The following BFSP1 variants were observed in gnomAD, a reference collection of about 807,000 sequenced individuals.
The protein encoded by BFSP1 is beaded filament structural protein 1.
In BFSP1, 38 loss-of-function variants were observed where a neutral mutation model predicts 43.9. The observed-to-expected ratio is 0.87, with a 90% CI of 0.67 to 1.14. The LOEUF is 1.14. Among genes scored for constraint, BFSP1 ranks in the 50% most tolerant of loss-of-function variants. The pLI is 0.00. For missense variants in BFSP1, 850 were observed against 875.1 expected (o/e 0.97, Z 0.36); for synonymous variants, 352 against 354.8 (o/e 0.99, Z 0.09).
At chr20:17,511,736 A>G (rs1179753550) in intron 4 of BFSP1, among the ~76,000 whole-genome samples, 1 of 142,902 alleles carries the variant, frequency 7.0e-6, no homozygotes, top group Non-Finnish European at 1.5e-5. Context: ...ATAATTCTCA[A>G]GAGAAAATAC....
intron 2 of BFSP1, among the ~76,000 whole-genome samples, chr20:17,520,220 C>CCCCCCCCCCCCCT (rs2034293018): frequency 1.3e-5 from 2 of 148,568 alleles, no homozygotes; most frequent in African/African-American, 2.5e-5. Flanking sequence ...GCCCCCCCAC[C>CCCCCCCCCCCCCT]CCGCCCACCT....
upstream of BFSP1, among the ~76,000 whole-genome samples, chr20:17,532,023 C>T (rs1356472112): frequency 6.6e-6 from 1 of 152,136 alleles, no homozygotes; most frequent in Non-Finnish European, 1.5e-5. Flanking sequence ...TAAAAGCCTA[C>T]AATAACTTAG....
At chr20:17,499,737 C>A (rs747374162) in intron 5 of BFSP1, among the ~76,000 whole-genome samples, 20 of 152,118 alleles carry the variant, frequency 1.3e-4, no homozygotes, top group Non-Finnish European at 8.8e-5. Context: ...GCCTGGCCAA[C>A]ATAGTGAAAC....
At chr20:17,566,860 G>A (rs2035125793) in intron 1 of BFSP1, among the ~76,000 whole-genome samples, 1 of 152,004 alleles carries the variant, frequency 6.6e-6, no homozygotes, top group South Asian at 2.1e-4. Flanking sequence ...CACCATCTTG[G>A]CCAGCCTGGT....
At chr20:17,540,249 G>A (rs2034694591) in intron 1 of BFSP1, among the ~76,000 whole-genome samples, 1 of 152,042 alleles carries the variant, frequency 6.6e-6, no homozygotes, top group South Asian at 2.1e-4. Flanking sequence ...CCACCTGCCT[G>A]CTCATGATCA....
rs149925393 is a variant in BFSP1 at position 17,558,223 on chromosome 20, T to C, written c.2+465A>G. On this transcript the variant is annotated intron_variant, in intron 1 of 7. Transcript: ENST00000377868. ...TCATTAATTTTTATGATGCGTAAAA[T>C]TTTTTCATTACATTAGCCAAAAAGA... 6.9e-4 allele frequency among the ~76,000 whole-genome samples: 105 copies of C among 151,888 alleles called. 1 individual carries two copies. The East Asian group carries it at 0.015, about 22-fold the overall frequency.
chr20:17,554,703 G>A (rs1035498628), intron 1 of BFSP1, among the ~76,000 whole-genome samples: 2 of 152,138 alleles, frequency 1.3e-5, no homozygotes, highest in African/African-American at 2.4e-5. Context: ...GATAAGGATC[G>A]CCACCAGTCA....
chr20:17,532,353 C>G (rs975852718), upstream of BFSP1, among the ~76,000 whole-genome samples: 1 of 147,088 alleles, frequency 6.8e-6, no homozygotes, highest in Non-Finnish European at 1.5e-5. Flanking sequence ...TGCAGTGAGC[C>G]GAGATCGCCC....
intron 1 of BFSP1, among the ~76,000 whole-genome samples, chr20:17,539,702 G>A (rs1311127542): frequency 3.3e-5 from 5 of 151,972 alleles, no homozygotes; most frequent in Admixed American, 6.6e-5. Context: ...GCAGGTCAAG[G>A]CTGCAGTGAG....
chr20:17,539,388 A>T (rs1342608961), intron 1 of BFSP1, among the ~76,000 whole-genome samples: 2 of 151,940 alleles, frequency 1.3e-5, no homozygotes, highest in Non-Finnish European at 2.9e-5. Context: ...TTGGGATTAC[A>T]CGTGTGAGCC....
At chr20:17,536,588 A>T (rs967783588) in intron 1 of BFSP1, among the ~76,000 whole-genome samples, 13 of 152,258 alleles carry the variant, frequency 8.5e-5, no homozygotes, top group African/African-American at 2.7e-4. Context: ...AAATTTTTTA[A>T]TTAACATTTT....
At chr20:17,545,864 G>T (rs149442277) in intron 1 of BFSP1, among the ~76,000 whole-genome samples, 2 of 152,330 alleles carry the variant, frequency 1.3e-5, no homozygotes, top group African/African-American at 4.8e-5. Flanking sequence ...GCACAGCTTA[G>T]TTTAGTCTTT....
At chr20:17,526,608 G>A (rs1048613482) in intron 1 of BFSP1, among the ~76,000 whole-genome samples, 2 of 152,284 alleles carry the variant, frequency 1.3e-5, no homozygotes, top group Admixed American at 1.3e-4. Flanking sequence ...TAGCTATTGT[G>A]AACAGTGCTG....
intron 1 of BFSP1, among the ~76,000 whole-genome samples, chr20:17,564,934 CT>C (rs59967108): frequency 0.012 from 1,724 of 142,532 alleles, 24 homozygotes; most frequent in African/African-American, 0.036. Flanking sequence ...ACCCATGTAA[CT>C]TTTTTTTTTT....
chr20:17,510,198 G>A (rs1356682771), intron 4 of BFSP1, among the ~76,000 whole-genome samples: 1 of 152,204 alleles, frequency 6.6e-6, no homozygotes, highest in Admixed American at 6.5e-5. Flanking sequence ...GCCTCAGTGG[G>A]TCTGAGGCTG....
chr20:17,504,590 G>A (rs1214871261), intron 5 of BFSP1, among the ~76,000 whole-genome samples: 1 of 152,190 alleles, frequency 6.6e-6, no homozygotes, highest in East Asian at 1.9e-4. Context: ...AGGAAGGAAA[G>A]GGACTTCCAG....
chr20:17,568,404 G>A (rs1008202467), intron 1 of BFSP1, among the ~76,000 whole-genome samples: 3 of 152,056 alleles, frequency 2.0e-5, no homozygotes, highest in Non-Finnish European at 4.4e-5. Flanking sequence ...AAGTGTAAGG[G>A]CCACAGGGTC....
intron 2 of BFSP1, among the ~76,000 whole-genome samples, chr20:17,516,682 C>A (rs1373088029): frequency 6.6e-6 from 1 of 152,242 alleles, no homozygotes; most frequent in Non-Finnish European, 1.5e-5. Context: ...CCAACTCAAA[C>A]TTCTGAAGCT....
intron 6 of BFSP1, among the ~76,000 whole-genome samples, chr20:17,497,366 G>T (rs1203630584): frequency 1.3e-5 from 2 of 150,644 alleles, no homozygotes; most frequent in African/African-American, 4.9e-5. Context: ...TTTTTAGTTA[G>T]AGTAGTCAAC....
Sources: gnomAD v4.1 joint callset for allele counts (sites outside exome capture counted in the v4.1 genomes callset) on GRCh38, gnomAD v4.1.1 for gene constraint, MANE v1.5 for transcripts, NCBI Gene and HGNC (gene_info 2026-07-23, HGNC 2026-07-21) for gene names.